Variants in ADAMTSL3 observed in about 807,000 individuals in gnomAD.
The protein encoded by ADAMTSL3 is ADAMTS like 3, also known as ADAMTS-like protein 3.
Under a neutral mutation model 201.7 loss-of-function variants are expected in ADAMTSL3, and 128 were observed. That is an observed-to-expected ratio of 0.63 (90% CI 0.55 to 0.73). The LOEUF is 0.73. Ranked by LOEUF, ADAMTSL3 falls within the 30% of genes least tolerant of loss-of-function variation. ADAMTSL3 has a pLI of 0.00. For missense variants in ADAMTSL3, 1,990 were observed against 2,119.6 expected (o/e 0.94, Z 1.20); for synonymous variants, 738 against 748.4 (o/e 0.99, Z 0.23).
chr15:83,812,850 A>G (rs2063718563), intron 5 of ADAMTSL3, among the ~76,000 whole-genome samples: 1 of 152,220 alleles, frequency 6.6e-6, no homozygotes, highest in African/African-American at 2.4e-5. Flanking sequence ...TGTATAAATT[A>G]ATGTAATCCT....
At chr15:83,877,482 A>C (rs1208254662) in intron 9 of ADAMTSL3, among the ~76,000 whole-genome samples, 1 of 152,204 alleles carries the variant, frequency 6.6e-6, no homozygotes, top group Non-Finnish European at 1.5e-5. Context: ...TATTTGTGCC[A>C]ATACCATTGT....
At chr15:83,949,497 T>G (rs575050222) in intron 19 of ADAMTSL3, among the ~76,000 whole-genome samples, 4 of 152,268 alleles carry the variant, frequency 2.6e-5, no homozygotes, top group African/African-American at 9.6e-5. Context: ...CTTTAGTATC[T>G]GATTTTCCTT....
intron 3 of ADAMTSL3, among the ~76,000 whole-genome samples, chr15:83,730,773 A>G (rs1309319860): frequency 6.6e-6 from 1 of 151,988 alleles, no homozygotes; most frequent in Non-Finnish European, 1.5e-5. Flanking sequence ...GAAGCTTTTT[A>G]GTTTAATGCA....
At position 83,941,963 on chromosome 15, in the gene ADAMTSL3, C is replaced by T. The variant is rs200686662; in HGVS notation, c.2118-633C>T. On this transcript the variant is annotated intron_variant, in intron 17 of 29. Coordinates refer to ENST00000286744, the MANE Select transcript of ADAMTSL3 (RefSeq NM_207517.3). ...CCAATGTGGTTAGGGGTGTGGGCAA[C>T]TAGGTGCTCTCAAATGCTTCTGGTG... Among the ~76,000 whole-genome samples, 9 of 152,326 alleles carry T rather than the reference C, an allele frequency of 5.9e-5. No homozygotes were observed. The East Asian group carries it at 1.7e-3, about 29-fold the overall frequency.
intron 3 of ADAMTSL3, among the ~76,000 whole-genome samples, chr15:83,713,636 A>T (rs554406133): frequency 2.0e-5 from 3 of 152,232 alleles, no homozygotes; most frequent in Non-Finnish European, 2.9e-5. Flanking sequence ...AAGGTAAGTT[A>T]ATTTGCTGGC....
intron 3 of ADAMTSL3, among the ~76,000 whole-genome samples, chr15:83,718,874 C>A (rs945123613): frequency 8.6e-5 from 13 of 151,986 alleles, no homozygotes; most frequent in African/African-American, 9.7e-5. Context: ...AAGGAAAAAA[C>A]CCAAATATTC....
rs1596546009 is a variant in ADAMTSL3, at chr15:84,021,504, T to A, written c.4368T>A (p.Asn1456Lys). ...AGAGACCCCAGTGTGTGATGGCCAA[T>A]GGGCAGGAAGTGAGTGAGGCCCTGT... ...RIQRPQCVMA[N>K]GQEVSEALCD... The change falls in exon 26 of 30, where the codon AAT becomes AAA. Residue 1456 changes from asparagine to lysine, a missense_variant. Asn to Lys is a moderately conservative substitution (Grantham distance 94). Transcript: ENST00000286744. 1 of 1,614,126 alleles carries A rather than the reference T, an allele frequency of 6.2e-7. No homozygotes were observed. Among genetic ancestry groups the A allele is most frequent in the Non-Finnish European group, 8.5e-7 (1 of 1,180,014 alleles).
At chr15:83,994,143 G>A (rs2067633688) in intron 23 of ADAMTSL3, among the ~76,000 whole-genome samples, 1 of 152,216 alleles carries the variant, frequency 6.6e-6, no homozygotes. Context: ...CCAGCCCTAA[G>A]CTTAGAAAAT....
chr15:83,824,941 T>C (rs761520899), intron 6 of ADAMTSL3: 8 of 152,206 alleles, frequency 5.3e-5, no homozygotes, highest in Non-Finnish European at 1.0e-4. Context: ...TCATTAGCAT[T>C]GTATCATAAA....
chr15:83,869,277 C>T (rs2065037360), intron 8 of ADAMTSL3, among the ~76,000 whole-genome samples: 1 of 151,934 alleles, frequency 6.6e-6, no homozygotes, highest in African/African-American at 2.4e-5. Context: ...TCTCTAGTTC[C>T]CCATTTCATT....
At position 83,765,582 on chromosome 15, in the gene ADAMTSL3, T is replaced by C. The variant is rs147908200; in HGVS notation, c.190-7941T>C. Among the ~76,000 whole-genome samples the C allele has an allele frequency of 5.1e-3, 784 of 152,354 alleles. 12 individuals carry two copies. Among genetic ancestry groups the C allele is most frequent in the African/African-American group, 0.018 (738 of 41,584 alleles). ...GGAAAATATTTTATGATTTGATTTA[T>C]GCCTGGGGATCCAAGAAAGGCAAGC... On this transcript the variant is annotated intron_variant, in intron 3 of 29. Coordinates refer to ENST00000286744, the MANE Select transcript of ADAMTSL3 (RefSeq NM_207517.3).
intron 23 of ADAMTSL3, among the ~76,000 whole-genome samples, chr15:83,997,056 A>G (rs2067700858): frequency 6.6e-6 from 1 of 152,342 alleles, no homozygotes; most frequent in South Asian, 2.1e-4. Context: ...ACCAATTTAG[A>G]GAACAATTTT....
chr15:84,030,937 C>T (rs545536747), intron 27 of ADAMTSL3, among the ~76,000 whole-genome samples: 14 of 152,322 alleles, frequency 9.2e-5, no homozygotes, highest in African/African-American at 3.1e-4. Context: ...TCACTTGGCA[C>T]TTCTCCTCTT....
intron 16 of ADAMTSL3, among the ~76,000 whole-genome samples, chr15:83,914,739 G>GC (rs941344874): frequency 2.0e-5 from 3 of 152,288 alleles, no homozygotes; most frequent in Non-Finnish European, 2.9e-5. Flanking sequence ...TGTCTGGGTT[G>GC]CCCCCCACAC....
intron 3 of ADAMTSL3, among the ~76,000 whole-genome samples, chr15:83,721,974 G>A (rs1273719152): frequency 6.6e-6 from 1 of 152,038 alleles, no homozygotes; most frequent in Non-Finnish European, 1.5e-5. Context: ...CTCATGATCC[G>A]TCTGCCTTGG....
intron 3 of ADAMTSL3, among the ~76,000 whole-genome samples, chr15:83,760,940 A>T (rs1215259739): frequency 6.6e-6 from 1 of 152,036 alleles, no homozygotes; most frequent in African/African-American, 2.4e-5. Flanking sequence ...TTGGTGATTT[A>T]TTCTATTTGG....
intron 23 of ADAMTSL3, among the ~76,000 whole-genome samples, chr15:83,995,383 T>C (rs1486192186): frequency 6.6e-6 from 1 of 152,188 alleles, no homozygotes; most frequent in African/African-American, 2.4e-5. Flanking sequence ...GAAGGGATAA[T>C]CTCTACCTTG....
chr15:83,819,595 TCTC>T (rs2063824880), intron 5 of ADAMTSL3, among the ~76,000 whole-genome samples: 1 of 149,604 alleles, frequency 6.7e-6, no homozygotes, highest in South Asian at 2.1e-4. Context: ...AATGAGATAA[TCTC>T]CTGTATAAAT....
At chr15:83,842,761 A>G (rs182816286) in intron 7 of ADAMTSL3, among the ~76,000 whole-genome samples, 4 of 152,334 alleles carry the variant, frequency 2.6e-5, no homozygotes, top group African/African-American at 4.8e-5. Flanking sequence ...AAGAGAGGCT[A>G]TACTGAGAAG....
Sources: gnomAD v4.1 joint callset for allele counts (sites outside exome capture counted in the v4.1 genomes callset) on GRCh38, gnomAD v4.1.1 for gene constraint, MANE v1.5 for transcripts, NCBI Gene and HGNC (gene_info 2026-07-23, HGNC 2026-07-21) for gene names.